The following SLC25A48 variants were observed in gnomAD, a reference collection of about 807,000 sequenced individuals.
The protein encoded by SLC25A48 is CTC-321K16.1.
Under a neutral mutation model 32.2 loss-of-function variants are expected in SLC25A48, and 29 were observed. That is an observed-to-expected ratio of 0.90 (90% CI 0.67 to 1.23). The LOEUF (loss-of-function observed/expected upper bound fraction) is 1.23. SLC25A48 is among the 50% of genes most tolerant of loss of function. The pLI, the probability that SLC25A48 is intolerant of heterozygous loss-of-function variation, is 0.00. For synonymous variants in SLC25A48, 164 were observed against 172.3 expected (o/e 0.95, Z 0.38); for missense variants, 399 against 422.7 (o/e 0.94, Z 0.49).
intron 3 of SLC25A48, among the ~76,000 whole-genome samples, chr5:135,744,687 G>T (rs1434178494): frequency 3.3e-5 from 5 of 152,096 alleles, no homozygotes; most frequent in Admixed American, 3.3e-4. Flanking sequence ...TATGACTATT[G>T]CTGATGGTCA....
intron 3 of SLC25A48, among the ~76,000 whole-genome samples, chr5:135,808,836 C>T (rs139525683): frequency 3.5e-4 from 54 of 152,246 alleles, no homozygotes; most frequent in African/African-American, 1.3e-3. Context: ...TGGAAATGGC[C>T]ATTGAACATC....
At chr5:135,853,171 A>G (rs980642987) in intron 4 of SLC25A48, among the ~76,000 whole-genome samples, 1 of 152,196 alleles carries the variant, frequency 6.6e-6, no homozygotes. Context: ...CAATTATCTG[A>G]GTATTCAGCG....
At chr5:135,597,178 T>C (rs1235653028) in intron 1 of SLC25A48, among the ~76,000 whole-genome samples, 5 of 152,212 alleles carry the variant, frequency 3.3e-5, no homozygotes, top group Admixed American at 2.0e-4. Context: ...TTACAGCTCA[T>C]AGAGTAGTGC....
intron 3 of SLC25A48, among the ~76,000 whole-genome samples, chr5:135,808,247 T>G (rs1757509693): frequency 6.6e-6 from 1 of 150,468 alleles, no homozygotes; most frequent in African/African-American, 2.4e-5. Context: ...ACACTTGATA[T>G]TATTATAAAT....
intron 3 of SLC25A48, among the ~76,000 whole-genome samples, chr5:135,803,934 G>A (rs1448929017): frequency 6.6e-6 from 1 of 151,546 alleles, no homozygotes; most frequent in South Asian, 2.1e-4. Context: ...TGCACACGCT[G>A]TGTGTACACC....
intron 7 of SLC25A48, among the ~76,000 whole-genome samples, chr5:135,886,634 T>A (rs2107610): frequency 0.26 from 7,472 of 28,752 alleles, 1,106 homozygotes; most frequent in Middle Eastern, 0.33. Context: ...TATATATATA[T>A]ATAAAATATA....
chr5:135,729,755 G>A (rs1177093515), intron 3 of SLC25A48, among the ~76,000 whole-genome samples: 1 of 152,134 alleles, frequency 6.6e-6, no homozygotes, highest in African/African-American at 2.4e-5. Flanking sequence ...GGGAACCACA[G>A]GCTATATGAG....
At position 135,769,339 on chromosome 5, in the gene SLC25A48, C is replaced by T. The variant is rs1224920884; in HGVS notation, c.-520-43184C>T. Among the ~76,000 whole-genome samples, 23 of 149,814 alleles carry T rather than the reference C, an allele frequency of 1.5e-4. No homozygotes were observed. The Admixed American group carries it at 1.6e-3, about 10-fold the overall frequency. ...GATATTGTGATATTGTTGGTAATTT[C>T]CAGAAAGAAAGAGCATGATATTACT... On this transcript the variant is annotated intron_variant, in intron 3 of 10. Transcript: ENST00000646290.
intron 3 of SLC25A48, among the ~76,000 whole-genome samples, chr5:135,700,330 C>CAGAG (rs1754361934): frequency 7.5e-6 from 1 of 133,842 alleles, no homozygotes; most frequent in African/African-American, 2.9e-5. Flanking sequence ...CGAGATCATG[C>CAGAG]CACTGCACTC....
chr5:135,692,723 C>G (rs1754175757), intron 3 of SLC25A48, among the ~76,000 whole-genome samples: 1 of 152,184 alleles, frequency 6.6e-6, no homozygotes, highest in Non-Finnish European at 1.5e-5. Flanking sequence ...CAGAGTATCT[C>G]ACTCCAAATT....
At chr5:135,887,216 G>A (rs1033374034) in intron 7 of SLC25A48, among the ~76,000 whole-genome samples, 2 of 152,076 alleles carry the variant, frequency 1.3e-5, no homozygotes, top group Non-Finnish European at 2.9e-5. Flanking sequence ...GAAGACTTGC[G>A]TTTTCCGTTT....
At chr5:135,736,056 G>A (rs1755352947) in intron 3 of SLC25A48, among the ~76,000 whole-genome samples, 1 of 152,062 alleles carries the variant, frequency 6.6e-6, no homozygotes, top group South Asian at 2.1e-4. Flanking sequence ...GGCTCAGCCT[G>A]GCGATGAGCA....
At chr5:135,625,596 G>C (rs1030535062) in intron 1 of SLC25A48, among the ~76,000 whole-genome samples, 2 of 152,158 alleles carry the variant, frequency 1.3e-5, no homozygotes, top group South Asian at 4.2e-4. Context: ...TCACTCGGGA[G>C]TTAGCTCTGG....
intron 4 of SLC25A48, chr5:135,825,206 A>C (rs945266580): frequency 6.6e-5 from 10 of 152,208 alleles, no homozygotes; most frequent in Non-Finnish European, 8.8e-5. Context: ...TTTCATTAGC[A>C]TCATCTCATT....
chr5:135,767,334 C>T (rs573733408), intron 3 of SLC25A48, among the ~76,000 whole-genome samples: 3 of 152,008 alleles, frequency 2.0e-5, no homozygotes, highest in African/African-American at 7.2e-5. Context: ...GTACACTCGC[C>T]TGTTACATGC....
exon 1 of SLC25A48, chr5:135,579,303 G>C (rs376747507): frequency 6.2e-6 from 1 of 160,238 alleles, no homozygotes; most frequent in East Asian, 1.7e-4. Context: ...TCTGCCTTTG[G>C]GGAGCCCAGA....
chr5:135,745,349 T>G (rs1292639246), intron 3 of SLC25A48, among the ~76,000 whole-genome samples: 1 of 152,190 alleles, frequency 6.6e-6, no homozygotes, highest in Middle Eastern at 3.2e-3. Flanking sequence ...TTGAGCGGTT[T>G]TCCACCCAGG....
At chr5:135,800,236 T>G (rs1432785569) in intron 3 of SLC25A48, among the ~76,000 whole-genome samples, 1 of 151,230 alleles carries the variant, frequency 6.6e-6, no homozygotes, top group Non-Finnish European at 1.5e-5. Flanking sequence ...CCCAGTGATA[T>G]TCTTCCTAAT....
At chr5:135,601,714 CCT>C (rs1177928915) in intron 1 of SLC25A48, among the ~76,000 whole-genome samples, 1 of 152,158 alleles carries the variant, frequency 6.6e-6, no homozygotes, top group Non-Finnish European at 1.5e-5. Context: ...GACTTCTTGC[CCT>C]CTCTGATCTA....
Sources: allele counts gnomAD v4.1 joint callset (sites outside exome capture counted in the v4.1 genomes callset), GRCh38; gene constraint gnomAD v4.1.1; transcripts MANE v1.5; gene names NCBI Gene and HGNC (gene_info 2026-07-23, HGNC 2026-07-21).